The following TRAF3IP1 variants were observed in gnomAD, a reference collection of about 807,000 sequenced individuals.
TRAF3IP1 encodes intraflagellar transport 54.
A neutral mutation model predicts 89.9 loss-of-function variants in TRAF3IP1; 53 were observed. That is an observed-to-expected ratio of 0.59 (90% CI 0.47 to 0.74). TRAF3IP1 has a LOEUF of 0.74. Ranked by LOEUF, TRAF3IP1 falls within the 30% of genes least tolerant of loss-of-function variation. TRAF3IP1 has a pLI of 0.00. For missense variants in TRAF3IP1, 806 were observed against 866.1 expected (o/e 0.93, Z 0.87); for synonymous variants, 311 against 322.1 (o/e 0.97, Z 0.37).
At chr2:238,323,701 C>G (rs1395688702) in intron 1 of TRAF3IP1, among the ~76,000 whole-genome samples, 1 of 152,160 alleles carries the variant, frequency 6.6e-6, no homozygotes, top group African/African-American at 2.4e-5. Context: ...ATGAGCATAC[C>G]TGTCCTTACC....
chr2:238,342,195 G>T (rs999028138), intron 8 of TRAF3IP1, among the ~76,000 whole-genome samples: 1 of 152,192 alleles, frequency 6.6e-6, no homozygotes, highest in African/African-American at 2.4e-5. Context: ...CACCATGTTG[G>T]CCAGACTGGT....
chr2:238,395,686 A>G (rs863704), intron 15 of TRAF3IP1, among the ~76,000 whole-genome samples: 110,404 of 151,852 alleles, frequency 0.73, 40,340 homozygotes, highest in Middle Eastern at 0.8. Flanking sequence ...AAATTTACAA[A>G]AAAAAAACAA....
rs1700721398 is a variant in TRAF3IP1, at chr2:238,385,257, C to G, written c.1690-12202C>G. 1.3e-5 allele frequency among the ~76,000 whole-genome samples: 2 copies of G among 152,158 alleles called. 1 individual carries two copies. Among genetic ancestry groups the G allele is most frequent in the South Asian group, 4.1e-4 (2 of 4,822 alleles). ...GGTCTCGATCTCCTGACCTCGTGAT[C>G]CGCCCGCCTCGGCCTCCCAAAGTGC... On this transcript the variant is annotated intron_variant, in intron 15 of 16. Coordinates refer to ENST00000373327, the MANE Select transcript of TRAF3IP1 (RefSeq NM_015650.4).
chr2:238,381,164 G>A (rs1230102674), intron 15 of TRAF3IP1, among the ~76,000 whole-genome samples: 1 of 110,588 alleles, frequency 9.0e-6, no homozygotes, highest in Admixed American at 1.0e-4. Flanking sequence ...TCAGAATTCT[G>A]TTTCCATGGA....
In TRAF3IP1 at chr2:238,399,596, G is replaced by A. The variant is rs909904632; in HGVS notation, c.*677G>A. 9 of 152,082 alleles carry A rather than the reference G, an allele frequency of 5.9e-5. No homozygotes were observed. Among genetic ancestry groups the A allele is most frequent in the Non-Finnish European group, 1.2e-4 (8 of 68,030 alleles). The allele number at this position is 152,082 out of a possible 1,614,324, so 9.4% of individuals were successfully genotyped here. A position where few individuals can be genotyped will look rare whatever the true frequency, so the allele number is the denominator to read the frequency against. The stretch of plus-strand genomic sequence containing the variant: ...AAATTTAAAAAGGAGATTTCAGGAT[G>A]GCCTTTATGGACGTTGTCTGGACAT... On this transcript the variant is annotated 3_prime_UTR_variant, in exon 17 of 17. Coordinates refer to ENST00000373327, the MANE Select transcript of TRAF3IP1 (RefSeq NM_015650.4).
At chr2:238,398,733 G>A (rs758981587) in intron 16 of TRAF3IP1, 21 bp from the exon 17 acceptor site, 28 of 1,552,786 alleles carry the variant, frequency 1.8e-5, no homozygotes, top group Middle Eastern at 3.5e-4. Flanking sequence ...GTGATGAGCC[G>A]CTGGTTTTGT....
intron 8 of TRAF3IP1, among the ~76,000 whole-genome samples, chr2:238,341,401 T>C (rs935816291): frequency 1.3e-5 from 2 of 152,054 alleles, no homozygotes; most frequent in African/African-American, 2.4e-5. Flanking sequence ...TACTTCGACA[T>C]GCAGCTTTAA....
intron 15 of TRAF3IP1, among the ~76,000 whole-genome samples, chr2:238,361,218 T>C (rs938448465): frequency 1.3e-5 from 2 of 151,874 alleles, no homozygotes; most frequent in African/African-American, 2.4e-5. Context: ...GGCTAATTTT[T>C]GTATTTTTTG....
chr2:238,360,619 C>T (rs191098798), intron 15 of TRAF3IP1, among the ~76,000 whole-genome samples: 30 of 152,280 alleles, frequency 2.0e-4, no homozygotes, highest in African/African-American at 5.5e-4. Flanking sequence ...TGTGGTGGCT[C>T]ACACCTGTAA....
intron 15 of TRAF3IP1, among the ~76,000 whole-genome samples, chr2:238,375,169 T>C (rs1700264624): frequency 6.6e-6 from 1 of 152,220 alleles, no homozygotes; most frequent in East Asian, 1.9e-4. Flanking sequence ...TGCCTCCTTC[T>C]AGCTTTTGAA....
chr2:238,366,232 T>A (rs575189633), intron 15 of TRAF3IP1, among the ~76,000 whole-genome samples: 1 of 152,008 alleles, frequency 6.6e-6, no homozygotes, highest in African/African-American at 2.4e-5. Flanking sequence ...CAAGACTCCA[T>A]CTCAAAAAAA....
At chr2:238,338,855 C>A (rs1475201334) in intron 8 of TRAF3IP1, among the ~76,000 whole-genome samples, 1 of 152,144 alleles carries the variant, frequency 6.6e-6, no homozygotes, top group Non-Finnish European at 1.5e-5. Context: ...GCTAGTTAGG[C>A]ACGTTGGGGA....
In TRAF3IP1 at chr2:238,398,776, C is replaced by A; in HGVS notation, c.1933C>A (p.Pro645Thr). ...EQRITDCAVE[P>T]LKAELAELEQ... is the part of the protein sequence containing the mutation. ...CAGGATCACAGACTGTGCCGTGGAG[C>A]CCTTAAAGGCTGAGCTCGCGGAGCT... Residue 645 changes from proline (P) to threonine (T), a missense_variant, in exon 17 of 17, where the codon CCC becomes ACC. Transcript: ENST00000373327. 1 of 1,607,664 alleles carries A rather than the reference C, an allele frequency of 6.2e-7. No homozygotes were observed. Among genetic ancestry groups the A allele is most frequent in the Non-Finnish European group, 8.5e-7 (1 of 1,178,082 alleles).
At chr2:238,385,568 C>T (rs1281133716) in intron 15 of TRAF3IP1, among the ~76,000 whole-genome samples, 2 of 152,202 alleles carry the variant, frequency 1.3e-5, no homozygotes, top group African/African-American at 2.4e-5. Flanking sequence ...ATTTCTACTA[C>T]AGTCAGGAAC....
chr2:238,323,709 A>G (rs1330723073), intron 1 of TRAF3IP1, among the ~76,000 whole-genome samples: 6 of 152,180 alleles, frequency 3.9e-5, no homozygotes, highest in Non-Finnish European at 5.9e-5. Flanking sequence ...ACCTGTCCTT[A>G]CCACATACCA....
At chr2:238,377,491 A>C (rs1240941435) in intron 15 of TRAF3IP1, among the ~76,000 whole-genome samples, 1 of 151,994 alleles carries the variant, frequency 6.6e-6, no homozygotes, top group East Asian at 1.9e-4. Flanking sequence ...TGATTCTATT[A>C]TATTCCTTAA....
rs760374711 is a variant in TRAF3IP1, at chr2:238,338,442, A to G, written c.1144A>G (p.Thr382Ala). ...GINNEPNQET[T>A]TSEIGTKEAN... The stretch of plus-strand genomic sequence containing the variant: ...AAATAATGAGCCAAATCAGGAAACG[A>G]CAACATCAGAAATAGGTAAGAAAAA... The change falls in exon 8 of 17, where the codon ACA (threonine) becomes GCA (alanine). Residue 382 changes from threonine (T) to alanine (A), a missense_variant. Thr to Ala is a moderately conservative substitution (Grantham distance 58). This residue lies in a region of TRAF3IP1 where 732 missense variants were observed against 780.5 expected (regional missense o/e 0.94). Transcript: ENST00000373327. 10 of 1,586,044 alleles carry G rather than the reference A, an allele frequency of 6.3e-6. No homozygotes were observed. The Admixed American group carries it at 1.4e-4, about 22-fold the overall frequency.
At chr2:238,380,786 T>C (rs780012441) in intron 15 of TRAF3IP1, among the ~76,000 whole-genome samples, 1 of 152,140 alleles carries the variant, frequency 6.6e-6, no homozygotes, top group Non-Finnish European at 1.5e-5. Context: ...AGAAACACTG[T>C]TGTAAAGTGA....
intron 8 of TRAF3IP1, among the ~76,000 whole-genome samples, chr2:238,343,108 GAC>G (rs947976765): frequency 4.8e-5 from 7 of 146,164 alleles, no homozygotes; most frequent in African/African-American, 1.7e-4. Flanking sequence ...TTTTTTTTGA[GAC>G]AGAGTCTGGC....
Sources: gnomAD v4.1 joint callset for allele counts (sites outside exome capture counted in the v4.1 genomes callset) on GRCh38, gnomAD v4.1.1 for gene constraint, gnomAD v4.1.1 regional missense constraint, MANE v1.5 for transcripts, NCBI Gene and HGNC (gene_info 2026-07-23, HGNC 2026-07-21) for gene names.